NGLY1: variants seen among roughly 807,000 people sequenced by gnomAD.
The protein encoded by NGLY1 is N-glycanase 1.
NGLY1 carries 68 observed loss-of-function variants against 84.6 expected under a neutral mutation model. That is an observed-to-expected ratio of 0.80 (90% CI 0.66 to 0.98). The LOEUF (loss-of-function observed/expected upper bound fraction) is 0.98, where lower values mean the gene tolerates loss of function less well. Among genes scored for constraint, NGLY1 ranks in the 50% least tolerant of loss-of-function variants. NGLY1 has a pLI of 0.00. For synonymous variants in NGLY1, 280 were observed against 275.2 expected (o/e 1.02, Z -0.17); for missense variants, 779 against 770.2 (o/e 1.01, Z -0.14).
Position 25,755,231 on chromosome 3 carries a change from T to C in NGLY1, c.493-3968A>G, listed in dbSNP as rs1032129454. The C allele has an allele frequency of 5.1e-6, 7 of 1,369,132 alleles. No homozygotes were observed. The African/African-American group carries it at 5.7e-5, about 11-fold the overall frequency. 84.8% of individuals were successfully genotyped at this position (1,369,132 alleles called of 1,614,324 possible). On this transcript the variant is annotated intron_variant, in intron 3 of 11. Transcript: ENST00000280700. Reference sequence around the variant, plus strand: ...TGCAAGGCAGAAAAATCAAACCCCTTTGCCACTGATTAAGCCATATGCAGG... The same window carrying C: ...TGCAAGGCAGAAAAATCAAACCCCTCTGCCACTGATTAAGCCATATGCAGG...
rs751579974 is a variant in NGLY1, at chr3:25,783,343, G to A, written c.48C>T (p.Ala16=). Residue 16 remains alanine (A), a synonymous_variant, in exon 1 of 12, where the codon GCC becomes GCT. Coordinates refer to ENST00000280700, the MANE Select transcript of NGLY1 (RefSeq NM_018297.4). The surrounding 1 kb of genome is among the most constrained non-coding windows in gnomAD (Gnocchi z 4.5). ...GGGTGTTCTGGCAGAGCTCAGCCAC[G>A]GCCGGGGACGCCGAGCCTGAGGAGC... ...LGSSSGSASP[A]VAELCQNTPE... The A allele has an allele frequency of 1.2e-5, 19 of 1,579,194 alleles. No individual in the cohort carries two copies. The highest frequency in any genetic ancestry group is 1.1e-5 in the Non-Finnish European group (13 of 1,164,500).
intron 3 of NGLY1, among the ~76,000 whole-genome samples, chr3:25,751,853 C>G (rs1436060318): frequency 6.6e-6 from 1 of 152,174 alleles, no homozygotes; most frequent in African/African-American, 2.4e-5. Context: ...TCGGCTTCTC[C>G]CTCCTTGTCA....
chr3:25,752,380 C>A (rs1031296934), intron 3 of NGLY1, among the ~76,000 whole-genome samples: 3 of 151,964 alleles, frequency 2.0e-5, no homozygotes, highest in East Asian at 3.9e-4. Context: ...CACCACCATG[C>A]CCAGCTTATT....
chr3:25,767,433 C>G (rs560141975), intron 2 of NGLY1, among the ~76,000 whole-genome samples: 2 of 152,224 alleles, frequency 1.3e-5, no homozygotes, highest in East Asian at 3.9e-4. Flanking sequence ...ATCGTCCAGT[C>G]AATAAAACAA....
chr3:25,749,183 G>C (rs1706595478), intron 4 of NGLY1, among the ~76,000 whole-genome samples: 1 of 152,130 alleles, frequency 6.6e-6, no homozygotes, highest in Non-Finnish European at 1.5e-5. Context: ...AAAACAGTAT[G>C]GTGGTTCCTC....
intron 1 of NGLY1, chr3:25,782,928 A>G: frequency 3.9e-6 from 1 of 259,628 alleles, no homozygotes; most frequent in South Asian, 5.1e-5. Flanking sequence ...TTAAACGACG[A>G]GAAGAGCGGC....
chr3:25,725,393 T>C (rs541597146), intron 10 of NGLY1, among the ~76,000 whole-genome samples: 1 of 152,304 alleles, frequency 6.6e-6, no homozygotes, highest in African/African-American at 2.4e-5. Flanking sequence ...TTTGTAATAT[T>C]CTTTATAATA....
rs1704864532 is a variant in NGLY1 at position 25,719,449 on chromosome 3, T to G, written c.*11A>C. 1 of 1,610,486 alleles carries G rather than the reference T, an allele frequency of 6.2e-7. No individual in the cohort carries two copies. The highest frequency in any genetic ancestry group is 1.3e-5 in the African/African-American group (1 of 74,902). On this transcript the variant is annotated 3_prime_UTR_variant, in exon 12 of 12. Transcript: ENST00000280700. ...TTGATTATTGCCAGCTTTTCTATAATGTTCAGGTTCTCAAAGGTCACTGAA... is the reference window on the plus strand; with the variant it reads ...TTGATTATTGCCAGCTTTTCTATAAGGTTCAGGTTCTCAAAGGTCACTGAA...
chr3:25,750,429 A>C (rs1235045078), intron 4 of NGLY1, among the ~76,000 whole-genome samples: 2 of 152,230 alleles, frequency 1.3e-5, no homozygotes, highest in African/African-American at 2.4e-5. Flanking sequence ...GATTCCACTT[A>C]TATAAGATAG....
In NGLY1 at chr3:25,778,640, G is replaced by C; in HGVS notation, c.180C>G (p.Ala60=). ...KYRSIRIGNT[A]FSTRLLPVRG... is the part of the protein sequence containing the mutation. ...TGACAGGCAAGAGTCTAGTAGAAAA[G>C]GCTGTGTTTCCAATCCGGATGGATC... Residue 60 remains alanine, a synonymous_variant, in exon 2 of 12, where the codon GCC becomes GCG. Coordinates refer to ENST00000280700, the MANE Select transcript of NGLY1 (RefSeq NM_018297.4). The C allele has an allele frequency of 1.2e-6, 2 of 1,612,806 alleles. No homozygotes were observed. The highest frequency in any genetic ancestry group is 2.2e-5 in the East Asian group (1 of 44,784).
chr3:25,734,253 G>T (rs2125471337), intron 7 of NGLY1: 1 of 249,694 alleles, frequency 4.0e-6, no homozygotes. Context: ...GTTTTAAGTA[G>T]AGATGGGGTT....
chr3:25,752,426 T>C (rs953530867), intron 3 of NGLY1, among the ~76,000 whole-genome samples: 1 of 151,996 alleles, frequency 6.6e-6, no homozygotes, highest in Non-Finnish European at 1.5e-5. Flanking sequence ...TTCACCATAT[T>C]GGCCAGGCTG....
At chr3:25,762,171 T>C (rs1377475164) in intron 3 of NGLY1, among the ~76,000 whole-genome samples, 1 of 152,076 alleles carries the variant, frequency 6.6e-6, no homozygotes, top group Non-Finnish European at 1.5e-5. Context: ...AAAAAAGTTA[T>C]AAGTTCACTA....
intron 10 of NGLY1, among the ~76,000 whole-genome samples, chr3:25,722,556 TAG>T (rs1436288633): frequency 6.6e-6 from 1 of 152,180 alleles, no homozygotes; most frequent in African/African-American, 2.4e-5. Context: ...ATCAGTGAGT[TAG>T]AGATTATGTA....
Position 25,783,200 on chromosome 3 carries a change from G to T in NGLY1, c.131+60C>A. On this transcript the variant is annotated intron_variant, in intron 1 of 11. Coordinates refer to ENST00000280700, the MANE Select transcript of NGLY1 (RefSeq NM_018297.4). The surrounding 1 kb of genome is among the most constrained non-coding windows in gnomAD (Gnocchi z 4.5). ...AGGCCGGACGCCCCAGTCCCTGGCC[G>T]AACAAGGTGCCGCGGCCCACCCACC... is the stretch of plus-strand genomic sequence containing the variant. 1 of 1,517,502 alleles carries T rather than the reference G, an allele frequency of 6.6e-7. No individual in the cohort carries two copies. The highest frequency in any genetic ancestry group is 9.1e-7 in the Non-Finnish European group (1 of 1,102,312). 94.0% of individuals were successfully genotyped at this position (1,517,502 alleles called of 1,614,324 possible).
chr3:25,748,774 T>C (rs961337580), intron 4 of NGLY1, among the ~76,000 whole-genome samples: 22 of 152,174 alleles, frequency 1.4e-4, no homozygotes, highest in Non-Finnish European at 3.2e-4. Flanking sequence ...TGGTTTCTGT[T>C]AGATTCACAT....
Position 25,780,345 on chromosome 3 carries a change from C to T in NGLY1, c.132-1657G>A, listed in dbSNP as rs146722598. On this transcript the variant is annotated intron_variant, in intron 1 of 11. Transcript: ENST00000280700. ...TTTCTTATCACTTAAGAAAACTGAA[C>T]TATAAAATAATCCTACATTTATCAA... Among the ~76,000 whole-genome samples, 314 of 152,240 alleles carry T rather than the reference C, an allele frequency of 2.1e-3. 2 individuals are homozygous for T. The highest frequency in any genetic ancestry group is 7.1e-3 in the African/African-American group (296 of 41,532).
At position 25,778,925 on chromosome 3, in the gene NGLY1, C is replaced by CTTT. The variant is rs565447910; in HGVS notation, c.132-240_132-238dup. Reference sequence around the variant, plus strand: ...GTCTCGCTTCAGTTTAAGATACATTCTTTTTTTTTTTTTTTTTTTTTTTTT... The same window carrying CTTT: ...GTCTCGCTTCAGTTTAAGATACATTCTTTTTTTTTTTTTTTTTTTTTTTTTTTT... On this transcript the variant is annotated intron_variant, in intron 1 of 11. Coordinates refer to ENST00000280700, the MANE Select transcript of NGLY1 (RefSeq NM_018297.4). Among the ~76,000 whole-genome samples, 32 of 54,694 alleles carry CTTT rather than the reference C, an allele frequency of 5.9e-4. 2 individuals carry two copies. Among genetic ancestry groups the CTTT allele is most frequent in the African/African-American group, 1.3e-3 (21 of 16,780 alleles). The allele number at this position is 54,694 out of a possible 152,430, so 35.9% of individuals were successfully genotyped here.
At chr3:25,763,884 T>C (rs1441684471) in intron 3 of NGLY1, among the ~76,000 whole-genome samples, 182 bp downstream of exon 3, 1 of 152,222 alleles carries the variant, frequency 6.6e-6, no homozygotes, top group African/African-American at 2.4e-5. Context: ...GAAGTATTAA[T>C]GCAGTAGAGG....
Sources: allele counts gnomAD v4.1 joint callset (sites outside exome capture counted in the v4.1 genomes callset), GRCh38; gene constraint gnomAD v4.1.1; non-coding constraint Gnocchi (gnomAD v3.1); transcripts MANE v1.5; gene names NCBI Gene and HGNC (gene_info 2026-07-23, HGNC 2026-07-21).